Variants in AGT observed in about 807,000 individuals in gnomAD.
AGT encodes angiotensinogen, also known as alpha-1 antiproteinase, antitrypsin.
Under a neutral mutation model 28.1 loss-of-function variants are expected in AGT, and 26 were observed. The observed-to-expected ratio is 0.92, with a 90% CI of 0.68 to 1.28. The LOEUF is 1.28. Among genes scored for constraint, AGT ranks in the 50% most tolerant of loss-of-function variants. AGT has a pLI of 0.00. For synonymous variants in AGT, 259 were observed against 259.6 expected, an observed-to-expected ratio of 1.00 and a Z score of 0.02; for missense variants, 596 against 592.3, an observed-to-expected ratio of 1.01 and a Z score of -0.06.
intron 1 of AGT, among the ~76,000 whole-genome samples, chr1:230,732,414 G>C (rs1230785246): frequency 1.3e-5 from 2 of 152,158 alleles, no homozygotes; most frequent in South Asian, 4.2e-4. Context: ...GCAGGGTAGG[G>C]CTGGAATGGG....
At chr1:230,731,776 A>G (rs1340162073) in intron 1 of AGT, among the ~76,000 whole-genome samples, 3 of 152,168 alleles carry the variant, frequency 2.0e-5, no homozygotes, top group African/African-American at 7.2e-5. Context: ...CTGAGGAAGG[A>G]GAATCTCTTG....
chr1:230,717,797 C>T (rs979248618), upstream of AGT, among the ~76,000 whole-genome samples: 9 of 152,240 alleles, frequency 5.9e-5, no homozygotes, highest in African/African-American at 1.9e-4. Context: ...ATTTGGAGCT[C>T]TCGATTTGTA....
upstream of AGT, among the ~76,000 whole-genome samples, chr1:230,718,722 C>CTTTTT (rs1228887131): frequency 1.6e-3 from 195 of 118,430 alleles, 9 homozygotes; most frequent in East Asian, 6.5e-3. Flanking sequence ...TTCCACACCG[C>CTTTTT]TTTTTTTTTT....
chr1:230,720,242 T>C (rs191916977), intron 1 of AGT, among the ~76,000 whole-genome samples: 3 of 152,346 alleles, frequency 2.0e-5, no homozygotes, highest in Non-Finnish European at 4.4e-5. Context: ...AACTGATTTC[T>C]GCTAGTTTTA....
chr1:230,710,560 G>C lies in AGT; in HGVS notation c.264C>G (p.Thr88=), dbSNP rs11557884. 4 of 1,614,234 alleles carry C rather than the reference G, an allele frequency of 2.5e-6. No individual in the cohort carries two copies. Among genetic ancestry groups the C allele is most frequent in the Non-Finnish European group, 3.4e-6 (4 of 1,180,044 alleles). Residue 88 remains threonine, a synonymous_variant, in exon 2 of 5, where the codon ACC becomes ACG. Coordinates refer to ENST00000366667, the MANE Select transcript of AGT (RefSeq NM_001384479.1). ...QLVLVAAKLD[T]EDKLRAAMVG... ...CCATTGCGGCCCTCAACTTGTCTTC[G>C]GTGTCAAGTTTTGCAGCGACTAGCA...
rs376776898 is a variant in AGT at position 230,725,380 on chromosome 1, C to T, written c.-30-14527G>A. ...GAGGGAAGGACCATGAAAGTAGAGA[C>T]ACAAAGTACCGTTTCCAAGTCTGTT... On this transcript the variant is annotated intron_variant, in intron 1 of 4. Coordinates refer to the AGT transcript ENST00000681269. Among the ~76,000 whole-genome samples, 6 of 152,278 alleles carry T rather than the reference C, an allele frequency of 3.9e-5. 1 individual carries two copies. The highest frequency in any genetic ancestry group is 1.2e-4 in the African/African-American group (5 of 41,560).
upstream of AGT, among the ~76,000 whole-genome samples, chr1:230,715,652 C>T (rs1213390135): frequency 2.0e-5 from 3 of 152,208 alleles, no homozygotes; most frequent in Non-Finnish European, 4.4e-5. Context: ...GTTTGAGGAT[C>T]AGCAAGTGGT....
In AGT at chr1:230,709,989, C is replaced by A; in HGVS notation, c.829+6G>T. 6 of 1,614,150 alleles carry A rather than the reference C, an allele frequency of 3.7e-6. No homozygotes were observed. The highest frequency in any genetic ancestry group is 5.1e-6 in the Non-Finnish European group (6 of 1,180,032). ...GGGCCAGAGCCAGCAGAGAGGTTTG[C>A]CTTACCTTGGAAGTGGACGTAGGTG... On this transcript the variant is annotated splice_donor_region_variant and intron_variant, in intron 2 of 4. Transcript: ENST00000366667.
At chr1:230,726,660 T>A (rs1183897675) in intron 1 of AGT, among the ~76,000 whole-genome samples, 1 of 152,042 alleles carries the variant, frequency 6.6e-6, no homozygotes, top group Admixed American at 6.6e-5. Context: ...TAGTAGGGAG[T>A]CTAATGGGTG....
chr1:230,716,155 G>C (rs2102795540), upstream of AGT, among the ~76,000 whole-genome samples: 1 of 152,268 alleles, frequency 6.6e-6, no homozygotes, highest in South Asian at 2.1e-4. Context: ...CTATCAGCTG[G>C]GGGATCTTCT....
At chr1:230,719,383 T>TTATTATTATTATTATTA (rs1159358719), upstream of AGT, among the ~76,000 whole-genome samples, 8 of 147,728 alleles carry the variant, frequency 5.4e-5, no homozygotes, top group East Asian at 2.0e-4. Flanking sequence ...CTTTCTATTT[T>TTATTATTATTATTATTA]TTATTATTAT....
intron 1 of AGT, among the ~76,000 whole-genome samples, chr1:230,731,902 C>A (rs1393502467): frequency 6.6e-6 from 1 of 151,894 alleles, no homozygotes; most frequent in African/African-American, 2.4e-5. Context: ...ACAACAAAAC[C>A]CACAGAAACT....
At chr1:230,732,831 T>C (rs1664090881) in intron 1 of AGT, among the ~76,000 whole-genome samples, 1 of 152,058 alleles carries the variant, frequency 6.6e-6, no homozygotes, top group Non-Finnish European at 1.5e-5. Context: ...GTGGCAGAGG[T>C]GGAAGAAAAT....
At chr1:230,724,187 A>G (rs1471462859) in intron 1 of AGT, among the ~76,000 whole-genome samples, 1 of 152,234 alleles carries the variant, frequency 6.6e-6, no homozygotes, top group East Asian at 1.9e-4. Context: ...AACAGAGAAC[A>G]TATGAACTGC....
chr1:230,704,481 C>A, intron 3 of AGT, 144 bp from the exon 4 acceptor site: 2 of 1,137,726 alleles, frequency 1.8e-6, no homozygotes, highest in Non-Finnish European at 2.5e-6. Flanking sequence ...TCATCCTCCC[C>A]CTTGGGGAAA....
chr1:230,714,198 G>A (rs572318894), upstream of AGT: 2 of 152,376 alleles, frequency 1.3e-5, no homozygotes, highest in Middle Eastern at 6.8e-3. Context: ...CTGTGCACAG[G>A]CTGGAGAGGA....
upstream of AGT, among the ~76,000 whole-genome samples, chr1:230,715,815 T>A (rs1215575268): frequency 6.6e-6 from 1 of 152,216 alleles, no homozygotes; most frequent in East Asian, 1.9e-4. Context: ...GCTCAGCATA[T>A]GTCAGGGAAC....
chr1:230,710,935 A>C, intron 1 of AGT, 82 bp from the exon 2 acceptor site: 4 of 1,510,846 alleles, frequency 2.6e-6, no homozygotes, highest in South Asian at 1.1e-5. Flanking sequence ...TCATTGTCTC[A>C]ATATTCCCTG....
At chr1:230,723,889 T>C (rs1663890771) in intron 1 of AGT, among the ~76,000 whole-genome samples, 1 of 152,206 alleles carries the variant, frequency 6.6e-6, no homozygotes. Context: ...ACAGCTGTGA[T>C]CCTGAAAAAC....
Sources: allele counts gnomAD v4.1 joint callset (sites outside exome capture counted in the v4.1 genomes callset), GRCh38; gene constraint gnomAD v4.1.1; transcripts MANE v1.5; gene names NCBI Gene and HGNC (gene_info 2026-07-23, HGNC 2026-07-21).